SLC10A7: variants seen among roughly 807,000 people sequenced by gnomAD.
SLC10A7 encodes sodium/bile acid cotransporter 7.
Under a neutral mutation model 43.2 loss-of-function variants are expected in SLC10A7, and 29 were observed. The ratio of observed to expected loss-of-function variants is 0.67; its 90% CI spans 0.50 to 0.92. The LOEUF is 0.92. Among genes scored for constraint, SLC10A7 ranks in the 40% least tolerant of loss-of-function variants. The pLI is 0.00. For synonymous variants in SLC10A7, 152 were observed against 144.8 expected (o/e 1.05, Z -0.35); for missense variants, 295 against 403.2 (o/e 0.73, Z 2.30).
In SLC10A7 at chr4:146,402,622, G is replaced by GA. The variant is rs1739299564; in HGVS notation, c.435+40160dup. Among the ~76,000 whole-genome samples the GA allele has an allele frequency of 2.0e-5, 3 of 152,210 alleles. No individual in the cohort carries two copies. The South Asian group carries it at 6.2e-4, about 32-fold the overall frequency. On this transcript the variant is annotated intron_variant, in intron 5 of 11. Coordinates refer to ENST00000335472, the MANE Select transcript of SLC10A7 (RefSeq NM_001029998.6). ...TTTTAAAAAACAGAAGAGGAAAGGGGAAAAAAGGGGGCAGGGGGACAGGAA... is the reference window on the plus strand; with the variant it reads ...TTTTAAAAAACAGAAGAGGAAAGGGGAAAAAAAGGGGGCAGGGGGACAGGAA...
chr4:146,496,288 C>T (rs1156666360), intron 4 of SLC10A7, among the ~76,000 whole-genome samples: 1 of 152,144 alleles, frequency 6.6e-6, no homozygotes, highest in Non-Finnish European at 1.5e-5. Flanking sequence ...TGTCAGGTCT[C>T]AGAACACAAT....
chr4:146,409,651 C>T (rs1180448542), intron 5 of SLC10A7, among the ~76,000 whole-genome samples: 3 of 152,088 alleles, frequency 2.0e-5, no homozygotes, highest in Non-Finnish European at 4.4e-5. Context: ...CGGGGAATAG[C>T]ACATCTGTGA....
At chr4:146,510,261 A>ATT (rs1560980961) in intron 2 of SLC10A7, among the ~76,000 whole-genome samples, 5 of 73,762 alleles carry the variant, frequency 6.8e-5, no homozygotes, top group African/African-American at 1.9e-4. Flanking sequence ...AAATTTCTTA[A>ATT]ATTTTTTTTT....
At chr4:146,368,840 C>T (rs1158270046) in intron 5 of SLC10A7, among the ~76,000 whole-genome samples, 1 of 152,152 alleles carries the variant, frequency 6.6e-6, no homozygotes, top group Non-Finnish European at 1.5e-5. Context: ...TCTAGAGTCA[C>T]ATGTAAAAAC....
At chr4:146,293,860 A>G in intron 8 of SLC10A7, 70 bp downstream of exon 8, 1 of 984,776 alleles carries the variant, frequency 1.0e-6, no homozygotes, top group Non-Finnish European at 1.4e-6. Context: ...GAATTTAGAG[A>G]ACACACAGTG....
At chr4:146,308,320 T>C (rs1391510187) in intron 6 of SLC10A7, among the ~76,000 whole-genome samples, 1 of 152,134 alleles carries the variant, frequency 6.6e-6, no homozygotes, top group Non-Finnish European at 1.5e-5. Flanking sequence ...TTCTTTTGAA[T>C]TGGCCAACAG....
At chr4:146,443,162 G>T (rs1453681937) in intron 4 of SLC10A7, among the ~76,000 whole-genome samples, 1 of 152,126 alleles carries the variant, frequency 6.6e-6, no homozygotes, top group African/African-American at 2.4e-5. Context: ...ATCAGAGATT[G>T]ATTTATTTGT....
intron 5 of SLC10A7, among the ~76,000 whole-genome samples, chr4:146,336,342 G>A (rs1733894592): frequency 6.6e-6 from 1 of 152,058 alleles, no homozygotes; most frequent in Admixed American, 6.6e-5. Context: ...GGCTTTGAGT[G>A]AACCCACGCT....
intron 5 of SLC10A7, among the ~76,000 whole-genome samples, chr4:146,434,096 G>GT (rs1202072735): frequency 2.0e-5 from 3 of 152,004 alleles, no homozygotes; most frequent in African/African-American, 7.2e-5. Flanking sequence ...ACAAAATCAA[G>GT]TTATCAGAGT....
intron 3 of SLC10A7, among the ~76,000 whole-genome samples, chr4:146,506,409 C>A (rs911861724): frequency 6.6e-6 from 1 of 152,174 alleles, no homozygotes; most frequent in Non-Finnish European, 1.5e-5. Context: ...TAACTAACAG[C>A]AAAATGAGTG....
intron 4 of SLC10A7, among the ~76,000 whole-genome samples, chr4:146,480,137 A>T (rs1734346134): frequency 6.6e-6 from 1 of 152,074 alleles, no homozygotes; most frequent in South Asian, 2.1e-4. Flanking sequence ...AAACAACTAG[A>T]TTTTTTATAA....
chr4:146,393,455 T>C (rs575277695), intron 5 of SLC10A7, among the ~76,000 whole-genome samples: 66 of 152,288 alleles, frequency 4.3e-4, no homozygotes, highest in African/African-American at 1.5e-3. Context: ...CTTTATACTT[T>C]ACACTCTGGT....
At chr4:146,394,146 A>G (rs1473067210) in intron 5 of SLC10A7, among the ~76,000 whole-genome samples, 1 of 152,170 alleles carries the variant, frequency 6.6e-6, no homozygotes, top group African/African-American at 2.4e-5. Flanking sequence ...GGCCAATATC[A>G]CCGACTCTGG....
intron 4 of SLC10A7, among the ~76,000 whole-genome samples, chr4:146,480,668 C>T (rs150450429): frequency 6.6e-6 from 1 of 152,150 alleles, no homozygotes; most frequent in East Asian, 1.9e-4. Flanking sequence ...AATTTAGTCA[C>T]ATGGCCAAAT....
intron 6 of SLC10A7, among the ~76,000 whole-genome samples, chr4:146,317,077 A>T (rs1255143790): frequency 1.3e-5 from 2 of 152,088 alleles, no homozygotes; most frequent in East Asian, 3.9e-4. Flanking sequence ...ATACCTTTTC[A>T]TCATACTGTG....
chr4:146,301,018 G>A (rs150173163), intron 7 of SLC10A7, among the ~76,000 whole-genome samples: 3 of 152,236 alleles, frequency 2.0e-5, no homozygotes, highest in Non-Finnish European at 2.9e-5. Context: ...AACCTATGGA[G>A]ACCACCACTT....
chr4:146,495,041 G>A (rs1452707927), intron 4 of SLC10A7, among the ~76,000 whole-genome samples: 3 of 152,078 alleles, frequency 2.0e-5, no homozygotes, highest in African/African-American at 7.2e-5. Flanking sequence ...GAAGAGTAGG[G>A]GCATAGAATT....
chr4:146,272,570 G>C (rs2111059076), intron 10 of SLC10A7, among the ~76,000 whole-genome samples: 1 of 152,274 alleles, frequency 6.6e-6, no homozygotes, highest in Admixed American at 6.5e-5. Context: ...ACTCAACCTG[G>C]TTTCTAGTGT....
intron 5 of SLC10A7, among the ~76,000 whole-genome samples, chr4:146,430,620 A>C (rs35322135): frequency 0.029 from 4,383 of 152,282 alleles, 210 homozygotes; most frequent in African/African-American, 0.1. Context: ...TGAACATTTT[A>C]ATTATTCCAC....
Sources: gnomAD v4.1 joint callset for allele counts (sites outside exome capture counted in the v4.1 genomes callset) on GRCh38, gnomAD v4.1.1 for gene constraint, MANE v1.5 for transcripts, NCBI Gene and HGNC (gene_info 2026-07-23, HGNC 2026-07-21) for gene names.